SH3BGRL2: variants seen among roughly 807,000 people sequenced by gnomAD.
SH3BGRL2 encodes SH3 domain-binding glutamic acid-rich-like protein 2.
A neutral mutation model predicts 14.8 loss-of-function variants in SH3BGRL2; 21 were observed. The ratio of observed to expected loss-of-function variants is 1.42; its 90% CI spans 1.01 to 2.05. SH3BGRL2 has a LOEUF of 2.05. Ranked by LOEUF, SH3BGRL2 falls within the 30% of genes most tolerant of loss-of-function variation. The probability of loss-of-function intolerance (pLI) is 0.00; values close to 1 mark genes in which losing one functional copy is unlikely to be tolerated. For synonymous variants in SH3BGRL2, 50 were observed against 47.8 expected (o/e 1.05, Z -0.19); for missense variants, 147 against 130.8 (o/e 1.12, Z -0.61).
In SH3BGRL2 at chr6:79,650,703, G is replaced by T. The variant is rs191694970; in HGVS notation, c.45+19197G>T. On this transcript the variant is annotated intron_variant, in intron 1 of 3. Coordinates refer to ENST00000369838, the MANE Select transcript of SH3BGRL2 (RefSeq NM_031469.4). ...GATTGGCATCAAGACATCCTTGAGG[G>T]ATCTGCCCCCATGACTCAAAAACTT... Among the ~76,000 whole-genome samples the T allele has an allele frequency of 5.9e-5, 9 of 152,120 alleles. No homozygotes were observed. The East Asian group carries it at 1.7e-3, about 29-fold the overall frequency.
At chr6:79,675,489 A>C (rs909173795) in intron 2 of SH3BGRL2, among the ~76,000 whole-genome samples, 1 of 151,946 alleles carries the variant, frequency 6.6e-6, no homozygotes, top group Non-Finnish European at 1.5e-5. Context: ...CCTTTTAAGA[A>C]ATTCTGTGAT....
At chr6:79,544,210 C>A in the SH3BGRL2 span, among the ~76,000 whole-genome samples, 1 of 151,958 alleles carries the variant, frequency 6.6e-6, no homozygotes, top group Non-Finnish European at 1.5e-5. Context: ...CAAAACAGAA[C>A]AACAACAACA....
At chr6:79,550,223 G>C in the SH3BGRL2 span, among the ~76,000 whole-genome samples, 1 of 152,096 alleles carries the variant, frequency 6.6e-6, no homozygotes, top group African/African-American at 2.4e-5. Context: ...TAGATGAAAG[G>C]AGGAGAATTA....
At chr6:79,639,405 A>G (rs1487049258) in intron 1 of SH3BGRL2, among the ~76,000 whole-genome samples, 1 of 152,174 alleles carries the variant, frequency 6.6e-6, no homozygotes, top group Middle Eastern at 3.2e-3. Flanking sequence ...CCTGGGCAAC[A>G]TGGCAAAACC....
At chr6:79,558,390 A>G in the SH3BGRL2 span, among the ~76,000 whole-genome samples, 40 of 152,338 alleles carry the variant, frequency 2.6e-4, no homozygotes, top group Non-Finnish European at 3.7e-4. Context: ...CCAGTTTTCT[A>G]TGGTTATATA....
At chr6:79,604,399 T>G in the SH3BGRL2 span, among the ~76,000 whole-genome samples, 150,622 of 152,304 alleles carry the variant, frequency 0.99, 74,502 homozygotes, top group East Asian at 1. Flanking sequence ...TTTTTTCTCA[T>G]TTATCAGGTA....
intron 1 of SH3BGRL2, among the ~76,000 whole-genome samples, chr6:79,673,112 T>A (rs989496812): frequency 2.0e-5 from 3 of 151,720 alleles, no homozygotes; most frequent in African/African-American, 7.3e-5. Flanking sequence ...AAAGGGAGCT[T>A]TTATGACCAT....
intron 1 of SH3BGRL2, among the ~76,000 whole-genome samples, chr6:79,638,282 C>A (rs1562144324): frequency 1.3e-5 from 2 of 152,140 alleles, no homozygotes; most frequent in Admixed American, 6.5e-5. Flanking sequence ...GCCATGAGTA[C>A]AGGATTTTAT....
chr6:79,675,303 C>G (rs892160523), intron 2 of SH3BGRL2, among the ~76,000 whole-genome samples: 4 of 152,190 alleles, frequency 2.6e-5, no homozygotes, highest in African/African-American at 9.6e-5. Context: ...ATTCAGTGTC[C>G]TCTGGTTTTC....
chr6:79,636,108 A>T (rs1768916609), intron 1 of SH3BGRL2, among the ~76,000 whole-genome samples: 1 of 152,202 alleles, frequency 6.6e-6, no homozygotes, highest in Non-Finnish European at 1.5e-5. Context: ...TCATTGGATC[A>T]TCACTGACAC....
the SH3BGRL2 span, among the ~76,000 whole-genome samples, chr6:79,585,766 CT>C: frequency 0.23 from 33,267 of 146,976 alleles, 3,855 homozygotes; most frequent in Middle Eastern, 0.43. Flanking sequence ...TACTTTTTTG[CT>C]TTTTTTTTTT....
At chr6:79,542,964 A>G in the SH3BGRL2 span, among the ~76,000 whole-genome samples, 1 of 152,200 alleles carries the variant, frequency 6.6e-6, no homozygotes, top group Admixed American at 6.5e-5. Flanking sequence ...ACAAGAATTA[A>G]AATGTGTTGA....
At chr6:79,665,911 A>G (rs919169204) in intron 1 of SH3BGRL2, among the ~76,000 whole-genome samples, 3 of 152,190 alleles carry the variant, frequency 2.0e-5, no homozygotes, top group Admixed American at 2.0e-4. Flanking sequence ...TTTGCTTTCT[A>G]GTAAGATAAA....
the SH3BGRL2 span, among the ~76,000 whole-genome samples, chr6:79,587,414 A>G: frequency 1.3e-5 from 2 of 152,306 alleles, no homozygotes; most frequent in South Asian, 2.1e-4. Flanking sequence ...CCAAGAACCT[A>G]CGTCCAGAGA....
chr6:79,643,569 GATAATA>G (rs1433281549), intron 1 of SH3BGRL2, among the ~76,000 whole-genome samples: 1 of 152,172 alleles, frequency 6.6e-6, no homozygotes, highest in Non-Finnish European at 1.5e-5. Flanking sequence ...AATATTTCGT[GATAATA>G]ATAATGAGTA....
At chr6:79,604,557 C>T in the SH3BGRL2 span, among the ~76,000 whole-genome samples, 1 of 152,184 alleles carries the variant, frequency 6.6e-6, no homozygotes, top group Non-Finnish European at 1.5e-5. Context: ...ACTCCTAATC[C>T]ATCTTCCTGG....
chr6:79,655,423 A>T (rs958888682), intron 1 of SH3BGRL2, among the ~76,000 whole-genome samples: 2 of 151,424 alleles, frequency 1.3e-5, no homozygotes, highest in South Asian at 2.1e-4. Flanking sequence ...TTTTTTTTTT[A>T]AACAGCACTA....
At chr6:79,672,627 G>A (rs1769796789) in intron 1 of SH3BGRL2, among the ~76,000 whole-genome samples, 1 of 152,060 alleles carries the variant, frequency 6.6e-6, no homozygotes, top group South Asian at 2.1e-4. Context: ...AAAAAATATA[G>A]TATATATACG....
chr6:79,650,013 ACACAG>A (rs1769254447), intron 1 of SH3BGRL2, among the ~76,000 whole-genome samples: 1 of 151,748 alleles, frequency 6.6e-6, no homozygotes, highest in African/African-American at 2.4e-5. Context: ...ACACACACAC[ACACAG>A]TTACCCTAAT....
Sources: gnomAD v4.1 joint callset for allele counts (sites outside exome capture counted in the v4.1 genomes callset) on GRCh38, gnomAD v4.1.1 for gene constraint, MANE v1.5 for transcripts, NCBI Gene and HGNC (gene_info 2026-07-23, HGNC 2026-07-21) for gene names.